ESRRG: variants seen among roughly 807,000 people sequenced by gnomAD.
ESRRG encodes estrogen related receptor gamma.
Under a neutral mutation model 44.0 loss-of-function variants are expected in ESRRG, and 13 were observed. That is an observed-to-expected ratio of 0.30 (90% CI 0.19 to 0.47). ESRRG has a LOEUF of 0.47. Ranked by LOEUF, ESRRG falls within the 20% of genes least tolerant of loss-of-function variation. ESRRG has a pLI of 1.00. For missense variants in ESRRG, 395 were observed against 580.6 expected (o/e 0.68, Z 3.29); for synonymous variants, 215 against 214.6 (o/e 1.00, Z -0.02).
At chr1:216,950,894 C>T (rs138880181) in intron 1 of ESRRG, among the ~76,000 whole-genome samples, 8 of 152,098 alleles carry the variant, frequency 5.3e-5, no homozygotes, top group Non-Finnish European at 1.2e-4. Context: ...AGACACTGAC[C>T]GTGAAATTTA....
chr1:216,587,478 C>T (rs573054795), intron 3 of ESRRG, among the ~76,000 whole-genome samples: 1 of 152,078 alleles, frequency 6.6e-6, no homozygotes, highest in African/African-American at 2.4e-5. Flanking sequence ...CTTATGAGGA[C>T]AAATTTATGG....
chr1:217,135,607 C>G (rs1009044264), intron 1 of ESRRG, among the ~76,000 whole-genome samples: 6 of 152,010 alleles, frequency 3.9e-5, no homozygotes, highest in Non-Finnish European at 7.4e-5. Context: ...CCCGCGCGCG[C>G]GAAGCGGGGT....
intron 1 of ESRRG, among the ~76,000 whole-genome samples, chr1:217,036,401 T>C (rs1468118243): frequency 6.6e-6 from 1 of 152,180 alleles, no homozygotes; most frequent in Non-Finnish European, 1.5e-5. Flanking sequence ...AGCAAAGACA[T>C]GGAATCAACC....
chr1:217,061,893 A>C (rs559629227), intron 1 of ESRRG, among the ~76,000 whole-genome samples: 2 of 152,306 alleles, frequency 1.3e-5, no homozygotes, highest in Non-Finnish European at 1.5e-5. Context: ...AAATAAAACA[A>C]ATAAGATAAA....
In ESRRG at chr1:216,608,022, A is replaced by T. The variant is rs562703165; in HGVS notation, c.590-39924T>A. 4.6e-5 allele frequency among the ~76,000 whole-genome samples: 7 copies of T among 152,354 alleles called. 1 individual carries two copies. The highest frequency in any genetic ancestry group is 1.7e-4 in the African/African-American group (7 of 41,592). ...AAAATCAAGTTATAATCAAATAACC[A>T]TTATTCAGTAAAATGGACTTCATAG... On this transcript the variant is annotated intron_variant, in intron 3 of 6. Transcript: ENST00000408911.
At chr1:216,745,955 T>C (rs974589174) in intron 2 of ESRRG, among the ~76,000 whole-genome samples, 1 of 152,164 alleles carries the variant, frequency 6.6e-6, no homozygotes, top group Non-Finnish European at 1.5e-5. Flanking sequence ...TAATGTAGAG[T>C]TTGTTTCAAA....
intron 1 of ESRRG, among the ~76,000 whole-genome samples, chr1:216,971,760 C>CA (rs1475116895): frequency 1.3e-5 from 2 of 152,186 alleles, no homozygotes; most frequent in Non-Finnish European, 2.9e-5. Flanking sequence ...CCCAGTAGGA[C>CA]ATACAGCTCA....
At chr1:216,698,935 T>G (rs1171352677) in intron 1 of ESRRG, among the ~76,000 whole-genome samples, 1 of 152,224 alleles carries the variant, frequency 6.6e-6, no homozygotes, top group African/African-American at 2.4e-5. Flanking sequence ...AAATTTTGGC[T>G]GACAGATTAG....
At chr1:216,736,226 A>G (rs868500513) in intron 2 of ESRRG, among the ~76,000 whole-genome samples, 2 of 127,716 alleles carry the variant, frequency 1.6e-5, no homozygotes, top group African/African-American at 6.1e-5. Context: ...TCTGTCGCTC[A>G]GGCTGGAGTG....
At chr1:216,934,326 T>A (rs1354003498) in intron 2 of ESRRG, among the ~76,000 whole-genome samples, 3 of 152,098 alleles carry the variant, frequency 2.0e-5, no homozygotes, top group Non-Finnish European at 4.4e-5. Context: ...ACCACCTACT[T>A]GGGAGGCTGA....
intron 1 of ESRRG, among the ~76,000 whole-genome samples, chr1:216,954,793 A>G (rs2067644657): frequency 6.6e-6 from 1 of 152,186 alleles, no homozygotes; most frequent in Non-Finnish European, 1.5e-5. Context: ...AAGTTGTGAC[A>G]TCTCAGTAGT....
At chr1:216,971,798 G>T (rs527843881) in intron 1 of ESRRG, among the ~76,000 whole-genome samples, 1 of 152,128 alleles carries the variant, frequency 6.6e-6, no homozygotes, top group Non-Finnish European at 1.5e-5. Context: ...AGAGTGACAC[G>T]TCAAACACTA....
intron 1 of ESRRG, among the ~76,000 whole-genome samples, chr1:217,077,827 A>G (rs896271051): frequency 3.3e-5 from 5 of 152,242 alleles, no homozygotes; most frequent in African/African-American, 1.2e-4. Context: ...CAAGATGGAC[A>G]TGACCAACAA....
At chr1:217,049,116 C>T (rs2085431543) in intron 1 of ESRRG, among the ~76,000 whole-genome samples, 1 of 152,172 alleles carries the variant, frequency 6.6e-6, no homozygotes, top group Non-Finnish European at 1.5e-5. Context: ...ACACAAAATG[C>T]TATCTCCAAA....
intron 2 of ESRRG, among the ~76,000 whole-genome samples, chr1:216,918,940 TATA>T (rs1221345583): frequency 6.6e-6 from 1 of 150,972 alleles, no homozygotes; most frequent in Admixed American, 6.6e-5. Flanking sequence ...TAATGATGCT[TATA>T]CTACCTGCAT....
At chr1:216,607,801 C>T (rs1387393845) in intron 3 of ESRRG, among the ~76,000 whole-genome samples, 1 of 152,138 alleles carries the variant, frequency 6.6e-6, no homozygotes, top group Non-Finnish European at 1.5e-5. Context: ...ATAATCCTTG[C>T]AATCAATTCT....
chr1:216,645,739 G>T (rs1040902755), intron 3 of ESRRG, among the ~76,000 whole-genome samples: 1 of 151,804 alleles, frequency 6.6e-6, no homozygotes, highest in African/African-American at 2.4e-5. Flanking sequence ...TAGCATGGTG[G>T]CATGGGCCTG....
rs1045594526 is a variant in ESRRG, at chr1:216,506,338, T to C, written c.*601A>G. ...AATAAGTTCACTGGCATCCATATTA[T>C]GGATCTCCATCCTTTGGCAGGGCTG... On this transcript the variant is annotated 3_prime_UTR_variant, in exon 7 of 7. Coordinates refer to ENST00000408911, the MANE Select transcript of ESRRG (RefSeq NM_001438.4). The C allele has an allele frequency of 3.5e-6, 1 of 282,124 alleles. No homozygotes were observed. Among genetic ancestry groups the C allele is most frequent in the Admixed American group, 4.6e-5 (1 of 21,838 alleles). The allele number at this position is 282,124 out of a possible 1,614,324, so 17.5% of individuals were successfully genotyped here. A position where few individuals can be genotyped will look rare whatever the true frequency, so the allele number is the denominator to read the frequency against.
intron 5 of ESRRG, among the ~76,000 whole-genome samples, chr1:216,534,755 G>A (rs985279036): frequency 7.9e-5 from 12 of 152,218 alleles, no homozygotes; most frequent in African/African-American, 1.9e-4. Context: ...TAGGAGGTTC[G>A]TTTGACAACC....
Sources: gnomAD v4.1 joint callset for allele counts (sites outside exome capture counted in the v4.1 genomes callset) on GRCh38, gnomAD v4.1.1 for gene constraint, MANE v1.5 for transcripts, NCBI Gene and HGNC (gene_info 2026-07-23, HGNC 2026-07-21) for gene names.